NBEA: variants seen among roughly 807,000 people sequenced by gnomAD.
NBEA encodes lysosomal-trafficking regulator 2.
A neutral mutation model predicts 343.4 loss-of-function variants in NBEA; 44 were observed. That is an observed-to-expected ratio of 0.13 (90% CI 0.10 to 0.16). NBEA has a LOEUF of 0.16. Ranked by LOEUF, NBEA falls within the 10% of genes least tolerant of loss-of-function variation. NBEA has a pLI of 1.00. For missense variants in NBEA, 2,555 were observed against 3,631.3 expected (o/e 0.70, Z 7.62); for synonymous variants, 1,175 against 1,238.7 (o/e 0.95, Z 1.08).
chr13:35,508,694 T>G (rs1166221783), intron 41 of NBEA, among the ~76,000 whole-genome samples: 2 of 152,172 alleles, frequency 1.3e-5, no homozygotes, highest in African/African-American at 4.8e-5. Context: ...ATAGGAGATG[T>G]GATAACTTTA....
intron 38 of NBEA, among the ~76,000 whole-genome samples, chr13:35,378,894 A>C (rs2041874754): frequency 6.6e-6 from 1 of 152,146 alleles, no homozygotes; most frequent in South Asian, 2.1e-4. Context: ...AGATGGAATC[A>C]TATAGTATAA....
intron 24 of NBEA, among the ~76,000 whole-genome samples, chr13:35,165,677 CTCTTT>C (rs200876247): frequency 2.4e-3 from 354 of 149,094 alleles, no homozygotes; most frequent in Admixed American, 4.9e-3. Flanking sequence ...TTTTTTTCTT[CTCTTT>C]TCTTTTCTTT....
At chr13:35,134,472 AAAAG>A (rs1377872573) in intron 17 of NBEA, among the ~76,000 whole-genome samples, 1 of 152,004 alleles carries the variant, frequency 6.6e-6, no homozygotes, top group African/African-American at 2.4e-5. Context: ...TGGAAATAAA[AAAAG>A]AAATTATGCA....
chr13:35,417,444 C>T (rs2043988975), intron 38 of NBEA, among the ~76,000 whole-genome samples: 1 of 151,934 alleles, frequency 6.6e-6, no homozygotes, highest in African/African-American at 2.4e-5. Flanking sequence ...TGTCTTTGTT[C>T]TCATTGGTTT....
chr13:35,034,779 A>G (rs748946473), intron 1 of NBEA, among the ~76,000 whole-genome samples: 4 of 151,840 alleles, frequency 2.6e-5, no homozygotes, highest in Non-Finnish European at 4.4e-5. Context: ...GTGTGGAGCA[A>G]TTCATCCATT....
At chr13:35,414,277 A>G (rs1332641294) in intron 38 of NBEA, among the ~76,000 whole-genome samples, 2 of 152,142 alleles carry the variant, frequency 1.3e-5, no homozygotes, top group Non-Finnish European at 2.9e-5. Context: ...CATGTGCACA[A>G]CGTGCAGGTT....
chr13:35,164,326 A>AGTTT (rs1385308872), intron 23 of NBEA, 30 bp from the exon 24 acceptor site: 1 of 1,545,542 alleles, frequency 6.5e-7, no homozygotes, highest in Non-Finnish European at 8.7e-7. Context: ...GTAAGCCAAA[A>AGTTT]CATACTCATT....
intron 47 of NBEA, among the ~76,000 whole-genome samples, chr13:35,601,790 A>AG (rs1242593427): frequency 2.1e-5 from 3 of 141,156 alleles, no homozygotes; most frequent in Non-Finnish European, 4.7e-5. Flanking sequence ...AAAAAAGAAA[A>AG]AAAAAAAGAA....
chr13:35,500,284 A>C (rs939376319), intron 41 of NBEA, among the ~76,000 whole-genome samples: 2 of 152,094 alleles, frequency 1.3e-5, no homozygotes, highest in African/African-American at 4.8e-5. Flanking sequence ...ACAAGGGTCA[A>C]ATTAAAGAGA....
chr13:35,024,916 T>A (rs1285968222), intron 1 of NBEA, among the ~76,000 whole-genome samples: 1 of 152,158 alleles, frequency 6.6e-6, no homozygotes, highest in Non-Finnish European at 1.5e-5. Context: ...GACTTGCATT[T>A]CTCTGATGAT....
intron 41 of NBEA, among the ~76,000 whole-genome samples, chr13:35,480,483 G>A (rs1316648535): frequency 6.6e-6 from 1 of 152,040 alleles, no homozygotes; most frequent in Non-Finnish European, 1.5e-5. Flanking sequence ...ATATTGTTTG[G>A]TGTTTTTTCA....
At chr13:35,111,172 A>T (rs1038089996) in intron 13 of NBEA, among the ~76,000 whole-genome samples, 194 bp downstream of exon 13, 1 of 152,182 alleles carries the variant, frequency 6.6e-6, no homozygotes, top group African/African-American at 2.4e-5. Flanking sequence ...TTCGGAATAA[A>T]ATCAGTTAAA....
intron 1 of NBEA, among the ~76,000 whole-genome samples, chr13:34,957,819 A>G (rs2059546035): frequency 6.6e-6 from 1 of 152,296 alleles, no homozygotes; most frequent in Middle Eastern, 3.4e-3. Flanking sequence ...ATCTTAAATA[A>G]CTTACGCAAG....
At chr13:35,155,736 T>G in intron 18 of NBEA, 38 bp from the exon 19 acceptor site, 2 of 1,482,024 alleles carry the variant, frequency 1.3e-6, no homozygotes, top group Non-Finnish European at 1.9e-6. Flanking sequence ...ATTATTTAAA[T>G]TGTTTTCTAA....
chr13:35,054,939 C>A (rs1477883011), intron 6 of NBEA, among the ~76,000 whole-genome samples: 1 of 151,960 alleles, frequency 6.6e-6, no homozygotes, highest in Non-Finnish European at 1.5e-5. Context: ...CCACCGTGCC[C>A]AGCCTATTTT....
intron 41 of NBEA, among the ~76,000 whole-genome samples, chr13:35,482,327 A>C (rs1594776322): frequency 6.6e-6 from 1 of 151,538 alleles, no homozygotes; most frequent in Non-Finnish European, 1.5e-5. Flanking sequence ...ATATCTTTAC[A>C]TATAAGTATA....
At chr13:35,565,137 T>G (rs1357474435) in intron 44 of NBEA, among the ~76,000 whole-genome samples, 2 of 152,192 alleles carry the variant, frequency 1.3e-5, no homozygotes, top group Non-Finnish European at 2.9e-5. Context: ...CTCATCCCAG[T>G]AAATGCAAAG....
intron 38 of NBEA, among the ~76,000 whole-genome samples, chr13:35,426,236 C>G (rs200106567): frequency 6.6e-6 from 1 of 152,134 alleles, no homozygotes; most frequent in Non-Finnish European, 1.5e-5. Flanking sequence ...CAGTTTCTTC[C>G]TAGCCTCGAT....
intron 41 of NBEA, among the ~76,000 whole-genome samples, chr13:35,510,169 G>A (rs1387218440): frequency 6.6e-6 from 1 of 152,158 alleles, no homozygotes; most frequent in Non-Finnish European, 1.5e-5. Flanking sequence ...GTGAGCGTTT[G>A]AATGGAGAAT....
Sources: allele counts gnomAD v4.1 joint callset (sites outside exome capture counted in the v4.1 genomes callset), GRCh38; gene constraint gnomAD v4.1.1; transcripts MANE v1.5; gene names NCBI Gene and HGNC (gene_info 2026-07-23, HGNC 2026-07-21).